Variants in FUT8 observed in about 807,000 individuals in gnomAD.
The protein encoded by FUT8 is alpha-(1,6)-fucosyltransferase.
In FUT8, 29 loss-of-function variants were observed where a neutral mutation model predicts 71.3. The observed-to-expected ratio is 0.41, with a 90% CI of 0.30 to 0.55. FUT8 has a LOEUF of 0.55. Ranked by LOEUF, FUT8 falls within the 20% of genes least tolerant of loss-of-function variation. The probability of loss-of-function intolerance (pLI) is 0.34; values close to 1 mark genes in which losing one functional copy is unlikely to be tolerated. For missense variants in FUT8, 544 were observed against 702.1 expected, an observed-to-expected ratio of 0.77 and a Z score of 2.55; for synonymous variants, 254 against 239.3, an observed-to-expected ratio of 1.06 and a Z score of -0.57.
rs1261271435 is a variant in FUT8, at chr14:65,643,811, C to T, written c.597+14205C>T. Among the ~76,000 whole-genome samples, 23 of 151,716 alleles carry T rather than the reference C, an allele frequency of 1.5e-4. No homozygotes were observed. Among genetic ancestry groups the T allele is most frequent in the Admixed American group, 1.5e-3 (23 of 15,230 alleles). On this transcript the variant is annotated intron_variant, in intron 6 of 10. Transcript: ENST00000673929. This position sits in a 1 kb window ranked among gnomAD's most constrained non-coding sequence, Gnocchi z 4.5. ...TATCCTTTTAACTTTCTTGAATATA[C>T]GTTGAACTTAAATTCAAATTTCTTT...
At chr14:65,639,374 T>C (rs1472055249) in intron 6 of FUT8, among the ~76,000 whole-genome samples, 2 of 152,166 alleles carry the variant, frequency 1.3e-5, no homozygotes, top group Non-Finnish European at 1.5e-5. Flanking sequence ...CATTCATTCC[T>C]TAAGTATTTG....
intron 1 of FUT8, among the ~76,000 whole-genome samples, chr14:65,414,396 GAA>G (rs2065189324): frequency 6.6e-6 from 1 of 152,132 alleles, no homozygotes; most frequent in South Asian, 2.1e-4. Context: ...TTTTAGGAGA[GAA>G]ATTATTATTT....
chr14:65,483,380 ATAGT>A lies in FUT8; in HGVS notation c.-228+27667_-228+27670del, dbSNP rs1253758920. On this transcript the variant is annotated intron_variant, in intron 2 of 10. Coordinates refer to ENST00000673929, the MANE Select transcript of FUT8 (RefSeq NM_001371533.1). This position sits in a 1 kb window ranked among gnomAD's most constrained non-coding sequence, Gnocchi z 4.4. ...AGCTGTTTCTCCAACCCCATGTTAA[ATAGT>A]TAGTGATCCTTTTTATTAAGCTTTC... is the stretch of plus-strand genomic sequence containing the variant. Among the ~76,000 whole-genome samples the A allele has an allele frequency of 6.6e-6, 1 of 152,198 alleles. No individual in the cohort carries two copies.
At chr14:65,570,464 GA>G (rs960247578) in intron 3 of FUT8, among the ~76,000 whole-genome samples, 3 of 151,798 alleles carry the variant, frequency 2.0e-5, no homozygotes, top group Non-Finnish European at 4.4e-5. Flanking sequence ...GTGAGAATGA[GA>G]ATAGGGTTTG....
intron 2 of FUT8, among the ~76,000 whole-genome samples, chr14:65,533,778 T>C (rs561237596): frequency 1.8e-4 from 27 of 152,284 alleles, no homozygotes; most frequent in Admixed American, 9.8e-4. Flanking sequence ...TAAATGGCTT[T>C]TATTATTTTG....
At chr14:65,644,565 G>C (rs1024235061) in intron 6 of FUT8, among the ~76,000 whole-genome samples, 3 of 151,858 alleles carry the variant, frequency 2.0e-5, no homozygotes, top group African/African-American at 7.2e-5. Flanking sequence ...GTTTCACCGT[G>C]TTAGCCAGGA....
chr14:65,362,568 T>TA, the FUT8 span, among the ~76,000 whole-genome samples: 1 of 152,108 alleles, frequency 6.6e-6, no homozygotes, highest in African/African-American at 2.4e-5. Context: ...TCAAGGGTGA[T>TA]ACGCAATGCT....
intron 3 of FUT8, among the ~76,000 whole-genome samples, chr14:65,570,528 AC>A (rs909836702): frequency 6.6e-6 from 1 of 151,914 alleles, no homozygotes; most frequent in Non-Finnish European, 1.5e-5. Flanking sequence ...CATATACTCT[AC>A]CTGTATTAAA....
At chr14:65,486,673 G>C (rs1029920080) in intron 2 of FUT8, among the ~76,000 whole-genome samples, 1 of 152,190 alleles carries the variant, frequency 6.6e-6, no homozygotes, top group Non-Finnish European at 1.5e-5. Flanking sequence ...GTTGATTTGG[G>C]ATAATTGGAT....
chr14:65,672,180 G>A (rs904999935), intron 7 of FUT8, among the ~76,000 whole-genome samples: 1 of 152,150 alleles, frequency 6.6e-6, no homozygotes, highest in Non-Finnish European at 1.5e-5. Flanking sequence ...AAATGGTTAA[G>A]TGAAGGAAAA....
chr14:65,739,764 A>G (rs984826874), intron 10 of FUT8, among the ~76,000 whole-genome samples: 9 of 152,096 alleles, frequency 5.9e-5, no homozygotes, highest in South Asian at 2.1e-4. Context: ...GAGAAAATAT[A>G]TATAGCAGTT....
chr14:65,741,352 G>A (rs892097173), intron 10 of FUT8, among the ~76,000 whole-genome samples: 5 of 151,904 alleles, frequency 3.3e-5, no homozygotes, highest in Non-Finnish European at 7.4e-5. Context: ...AGAAATTGCC[G>A]ATGTGTTTTA....
chr14:65,626,521 A>C (rs1889905755), intron 5 of FUT8, among the ~76,000 whole-genome samples: 1 of 152,200 alleles, frequency 6.6e-6, no homozygotes, highest in Non-Finnish European at 1.5e-5. Flanking sequence ...CCTGGACTTT[A>C]AAATTCATTG....
At chr14:65,532,343 G>A (rs1566806932) in intron 2 of FUT8, among the ~76,000 whole-genome samples, 1 of 152,046 alleles carries the variant, frequency 6.6e-6, no homozygotes, top group Non-Finnish European at 1.5e-5. Flanking sequence ...ATATCATTGT[G>A]GTTTTGATTT....
chr14:65,610,774 A>G (rs1447736675), intron 3 of FUT8, among the ~76,000 whole-genome samples: 1 of 151,850 alleles, frequency 6.6e-6, no homozygotes, highest in African/African-American at 2.4e-5. Flanking sequence ...GTTTTGTAAA[A>G]TTTTGTTTAA....
intron 2 of FUT8, among the ~76,000 whole-genome samples, chr14:65,532,388 A>G (rs370558801): frequency 3.9e-5 from 6 of 152,086 alleles, no homozygotes. Flanking sequence ...TTGAGTGTTG[A>G]TCAATGTTGG....
At chr14:65,498,181 A>G (rs2066589949) in intron 2 of FUT8, among the ~76,000 whole-genome samples, 1 of 152,062 alleles carries the variant, frequency 6.6e-6, no homozygotes, top group East Asian at 1.9e-4. Flanking sequence ...GGGAAGTCTC[A>G]CTCGACTTTT....
At chr14:65,500,452 G>A (rs544305732) in intron 2 of FUT8, among the ~76,000 whole-genome samples, 2 of 152,234 alleles carry the variant, frequency 1.3e-5, no homozygotes, top group South Asian at 4.2e-4. Context: ...ATCTGAAGGA[G>A]AGTCATAAGC....
At chr14:65,474,195 G>A (rs2066193928) in intron 2 of FUT8, among the ~76,000 whole-genome samples, 2 of 151,892 alleles carry the variant, frequency 1.3e-5, no homozygotes, top group Admixed American at 1.3e-4. Flanking sequence ...TGGGTACAAT[G>A]TATGCTACTT....
Sources: allele counts gnomAD v4.1 joint callset (sites outside exome capture counted in the v4.1 genomes callset), GRCh38; gene constraint gnomAD v4.1.1; non-coding constraint Gnocchi (gnomAD v3.1); transcripts MANE v1.5; gene names NCBI Gene and HGNC (gene_info 2026-07-23, HGNC 2026-07-21).